PEX1: variants seen among roughly 807,000 people sequenced by gnomAD.
PEX1 encodes the protein peroxisomal biogenesis factor 1.
A neutral mutation model predicts 152.5 loss-of-function variants in PEX1; 97 were observed. The observed-to-expected ratio is 0.64, with a 90% CI of 0.54 to 0.75. The LOEUF is 0.75. Among genes scored for constraint, PEX1 ranks in the 30% least tolerant of loss-of-function variants. The pLI is 0.00. For missense variants in PEX1, 1,357 were observed against 1,516.3 expected, an observed-to-expected ratio of 0.89 and a Z score of 1.74; for synonymous variants, 485 against 531.6, an observed-to-expected ratio of 0.91 and a Z score of 1.21.
intron 13 of PEX1, 130 bp from the exon 14 acceptor site, chr7:92,502,209 G>A: frequency 1.5e-6 from 1 of 667,390 alleles, no homozygotes; most frequent in African/African-American, 1.8e-5. Context: ...TCTGGGGATG[G>A]AGCAGGGGAG....
At chr7:92,503,670 T>C (rs1792041772) in intron 12 of PEX1, among the ~76,000 whole-genome samples, 1 of 152,070 alleles carries the variant, frequency 6.6e-6, no homozygotes, top group Non-Finnish European at 1.5e-5. Context: ...ATAATGTACA[T>C]CTGAGTCCTG....
intron 3 of PEX1, 81 bp from the exon 4 acceptor site, chr7:92,518,336 T>C (rs924416379): frequency 9.7e-6 from 9 of 923,792 alleles, no homozygotes; most frequent in South Asian, 8.2e-5. Context: ...TCAATTCTTT[T>C]TTTAAAAAAC....
Position 92,511,695 on chromosome 7 carries a change from G to A in PEX1, c.1368C>T (p.Asp456=). Residue 456 remains aspartate, a synonymous_variant, in exon 7 of 24, where the codon GAC becomes GAT. Coordinates refer to ENST00000248633, the MANE Select transcript of PEX1 (RefSeq NM_000466.3). ...KLQPRENLPK[D]ISEEDIKTVF... Reference sequence around the variant, plus strand: ...CAGTTTTTATGTCTTCTTCACTTATGTCTTTAGGCTGCCAGAAAAAGGAAT... The same window carrying A: ...CAGTTTTTATGTCTTCTTCACTTATATCTTTAGGCTGCCAGAAAAAGGAAT... 1 of 1,611,466 alleles carries A rather than the reference G, an allele frequency of 6.2e-7. No individual in the cohort carries two copies. Among genetic ancestry groups the A allele is most frequent in the Non-Finnish European group, 8.5e-7 (1 of 1,178,716 alleles).
chr7:92,510,282 A>T (rs1208335911), intron 8 of PEX1, among the ~76,000 whole-genome samples: 1 of 152,106 alleles, frequency 6.6e-6, no homozygotes, highest in Non-Finnish European at 1.5e-5. Context: ...TCTGGGCAAC[A>T]TGGTGAAACC....
At chr7:92,502,998 T>C in intron 13 of PEX1, 43 bp downstream of exon 13, 1 of 1,533,226 alleles carries the variant, frequency 6.5e-7, no homozygotes, top group Non-Finnish European at 9.0e-7. Context: ...ATAATTTCTA[T>C]AAAAGGGACA....
intron 5 of PEX1, among the ~76,000 whole-genome samples, chr7:92,516,502 C>T (rs1479645354): frequency 2.0e-5 from 3 of 151,286 alleles, no homozygotes; most frequent in Non-Finnish European, 4.4e-5. Flanking sequence ...GTATAAAGGT[C>T]ACAGGTAAAA....
intron 1 of PEX1, 34 bp downstream of exon 1, chr7:92,528,273 C>G: frequency 6.5e-7 from 1 of 1,548,002 alleles, no homozygotes; most frequent in Non-Finnish European, 8.7e-7. Context: ...CGACCCCAGG[C>G]TGAAGATCAG....
Position 92,487,393 on chromosome 7 carries a change from C to G in PEX1, c.*64G>C. 1 of 832,534 alleles carries G rather than the reference C, an allele frequency of 1.2e-6. No homozygotes were observed. Among genetic ancestry groups the G allele is most frequent in the Non-Finnish European group, 2.0e-6 (1 of 502,850 alleles). The allele number at this position is 832,534 out of a possible 1,614,324, so 51.6% of individuals were successfully genotyped here. ...GAAATTCATAGACACCATTTTTTTC[C>G]TGTTACAACATATGGAAAAGCCATC... On this transcript the variant is annotated 3_prime_UTR_variant, in exon 24 of 24. Transcript: ENST00000248633.
intron 5 of PEX1, 88 bp downstream of exon 5, chr7:92,517,188 A>G: frequency 9.3e-7 from 1 of 1,074,150 alleles, no homozygotes. Flanking sequence ...TTGATTTTCA[A>G]TTTATATATG....
At chr7:92,509,185 G>GT in intron 9 of PEX1, 144 bp downstream of exon 9, 1 of 643,872 alleles carries the variant, frequency 1.6e-6, no homozygotes, top group Non-Finnish European at 2.8e-6. Context: ...TGAAGATAGA[G>GT]ACAATCCTTG....
chr7:92,501,459 G>A (rs1328043717), intron 15 of PEX1, 48 bp downstream of exon 15: 2 of 1,495,692 alleles, frequency 1.3e-6, no homozygotes, highest in Admixed American at 3.3e-5. Flanking sequence ...CAATAATACA[G>A]TGGTTCTTCT....
intron 15 of PEX1, among the ~76,000 whole-genome samples, chr7:92,500,805 G>A (rs935718564): frequency 3.3e-5 from 5 of 152,048 alleles, no homozygotes; most frequent in African/African-American, 1.2e-4. Flanking sequence ...ATCTTCTGAA[G>A]AACAATCTAC....
rs1047549839 is a variant in PEX1, at chr7:92,503,310, A to G, written c.2072-115T>C. On this transcript the variant is annotated intron_variant, in intron 12 of 23. Transcript: ENST00000248633. ...GGTTGACCTTTAAGGTGCAGTATGT[A>G]TGGTATCGCTCTTTCATGTCTTTAA... is the stretch of plus-strand genomic sequence containing the variant. The G allele has an allele frequency of 8.3e-6, 7 of 839,960 alleles. No individual in the cohort carries two copies. The African/African-American group carries it at 1.0e-4, about 12-fold the overall frequency. 52.0% of individuals were successfully genotyped at this position (839,960 alleles called of 1,614,324 possible). A position where few individuals can be genotyped will look rare whatever the true frequency, so the allele number is the denominator to read the frequency against.
chr7:92,514,084 A>T, intron 5 of PEX1, 117 bp from the exon 6 acceptor site: 1 of 684,416 alleles, frequency 1.5e-6, no homozygotes. Flanking sequence ...AACAGAAGCT[A>T]TCATAATAAC....
intron 9 of PEX1, among the ~76,000 whole-genome samples, chr7:92,508,549 A>G (rs1206482571): frequency 6.6e-6 from 1 of 152,114 alleles, no homozygotes; most frequent in South Asian, 2.1e-4. Flanking sequence ...AAAAAAAAAA[A>G]AGAGATTTTA....
intron 1 of PEX1, among the ~76,000 whole-genome samples, chr7:92,522,958 C>T (rs1793116024): frequency 6.6e-6 from 1 of 152,076 alleles, no homozygotes; most frequent in South Asian, 2.1e-4. Context: ...TATGCAGCCT[C>T]TTAATAATTG....
At chr7:92,494,685 G>C (rs1791561247) in intron 17 of PEX1, 56 bp from the exon 18 acceptor site, 8 of 1,422,960 alleles carry the variant, frequency 5.6e-6, no homozygotes, top group Non-Finnish European at 7.9e-6. Flanking sequence ...TTGGCAAAGT[G>C]ATTTCATATA....
chr7:92,518,100 A>G (rs1792885415), intron 4 of PEX1, 41 bp downstream of exon 4: 2 of 1,605,926 alleles, frequency 1.2e-6, no homozygotes, highest in African/African-American at 2.7e-5. Context: ...ACTCAATGCT[A>G]TAGTGTAGAA....
In PEX1 at chr7:92,499,785, C is replaced by T; in HGVS notation, c.2637G>A (p.Leu879=). Residue 879 remains leucine, a synonymous_variant, in exon 16 of 24, where the codon TTG becomes TTA. Transcript: ENST00000248633. ...TTTTTCCTGTTCCAGGCGGACCATA[C>T]AACAGTATTCCTGTTCTTTGTCGTA... ...LPIRQRTGIL[L]YGPPGTGKTL... is the part of the protein sequence containing the mutation. The T allele has an allele frequency of 6.2e-7, 1 of 1,611,300 alleles. No individual in the cohort carries two copies. The highest frequency in any genetic ancestry group is 2.2e-5 in the East Asian group (1 of 44,830).
Sources: allele counts gnomAD v4.1 joint callset (sites outside exome capture counted in the v4.1 genomes callset), GRCh38; gene constraint gnomAD v4.1.1; transcripts MANE v1.5; gene names NCBI Gene and HGNC (gene_info 2026-07-23, HGNC 2026-07-21).